Variants in AK9 observed in about 807,000 individuals in gnomAD.
The protein encoded by AK9 is adenylate kinase domain containing 1.
In AK9, 191 loss-of-function variants were observed where a neutral mutation model predicts 239.6. The observed-to-expected ratio is 0.80, with a 90% CI of 0.71 to 0.90. The LOEUF (loss-of-function observed/expected upper bound fraction) is 0.90. AK9 is among the 40% of genes least tolerant of loss of function. The pLI, the probability that AK9 is intolerant of heterozygous loss-of-function variation, is 0.00. For missense variants in AK9, 1,995 were observed against 2,214.7 expected (o/e 0.90, Z 1.99); for synonymous variants, 689 against 721.0 (o/e 0.96, Z 0.71).
chr6:109,638,744 T>G (rs183523541), intron 10 of AK9, among the ~76,000 whole-genome samples: 38 of 152,350 alleles, frequency 2.5e-4, no homozygotes, highest in African/African-American at 7.2e-4. Context: ...GGTGGTCTGA[T>G]GCACCCATCA....
chr6:109,570,582 T>A (rs1046771845), intron 21 of AK9, among the ~76,000 whole-genome samples: 21 of 152,004 alleles, frequency 1.4e-4, no homozygotes, highest in African/African-American at 3.9e-4. Flanking sequence ...AATAAAAAAA[T>A]TTTTTAATGC....
At chr6:109,513,182 A>G (rs1460169659) in intron 32 of AK9, among the ~76,000 whole-genome samples, 2 of 152,150 alleles carry the variant, frequency 1.3e-5, no homozygotes, top group Non-Finnish European at 2.9e-5. Flanking sequence ...TTATATTTAT[A>G]AAATATTTTC....
intron 29 of AK9, among the ~76,000 whole-genome samples, chr6:109,519,481 T>C (rs1779612292): frequency 6.6e-6 from 1 of 152,140 alleles, no homozygotes; most frequent in East Asian, 1.9e-4. Flanking sequence ...TAGTATCTGT[T>C]GTTTTTTGAC....
rs772303660 is a variant in AK9 at position 109,662,665 on chromosome 6, TGTAAA to T, written c.332-7_332-3del. ...ATGGTATTTCAGTGATAATATAACCTGTAAAGTAAAATATAATTTTAAAACTTTTA... is the reference window on the plus strand; with the variant it reads ...ATGGTATTTCAGTGATAATATAACCTGTAAAATATAATTTTAAAACTTTTA... On this transcript the variant is annotated splice_region_variant and splice_polypyrimidine_tract_variant and intron_variant, in intron 5 of 40. Coordinates refer to ENST00000424296, the MANE Select transcript of AK9 (RefSeq NM_001145128.3). 6.8e-7 allele frequency: 1 copy of T among 1,462,664 alleles called. No homozygotes were observed. Among genetic ancestry groups the T allele is most frequent in the Admixed American group, 2.3e-5 (1 of 43,992 alleles). The allele number at this position is 1,462,664 out of a possible 1,614,324, so 90.6% of individuals were successfully genotyped here.
rs1480893352 is a variant in AK9, at chr6:109,545,745, G to A, written c.3225+122C>T. On this transcript the variant is annotated intron_variant, in intron 26 of 40. Transcript: ENST00000424296. ...TGAGCCCAGGGAAGTTGAGGCTTTGGTGAGCTGTGATTGTGCCACTGCCTT... is the reference window on the plus strand; with the variant it reads ...TGAGCCCAGGGAAGTTGAGGCTTTGATGAGCTGTGATTGTGCCACTGCCTT... The A allele has an allele frequency of 2.1e-5, 26 of 1,246,614 alleles. No homozygotes were observed. In the East Asian group the frequency reaches 5.8e-4, roughly 28 times the overall value. The allele number at this position is 1,246,614 out of a possible 1,614,324, so 77.2% of individuals were successfully genotyped here. A position where few individuals can be genotyped will look rare whatever the true frequency, so the allele number is the denominator to read the frequency against.
intron 2 of AK9, among the ~76,000 whole-genome samples, chr6:109,675,174 T>C (rs1049185523): frequency 1.3e-5 from 2 of 152,154 alleles, no homozygotes; most frequent in Non-Finnish European, 2.9e-5. Context: ...ACAAATTGCA[T>C]AGGAAGTTTC....
At chr6:109,661,434 TA>T (rs1177784625) in intron 6 of AK9, among the ~76,000 whole-genome samples, 3 of 145,452 alleles carry the variant, frequency 2.1e-5, no homozygotes, top group Admixed American at 6.9e-5. Context: ...GATCCAAACT[TA>T]GTAAGCATTT....
intron 29 of AK9, chr6:109,528,349 T>A (rs968375267): frequency 4.7e-5 from 17 of 358,744 alleles, no homozygotes; most frequent in Non-Finnish European, 8.2e-5. Context: ...GAGGCTACGA[T>A]TTCTGTAAGT....
intron 17 of AK9, among the ~76,000 whole-genome samples, chr6:109,599,876 T>G (rs1026910572): frequency 6.6e-6 from 1 of 152,098 alleles, no homozygotes; most frequent in East Asian, 1.9e-4. Flanking sequence ...GCTCTCTGTT[T>G]GTCTGTTATT....
Position 109,545,874 on chromosome 6 carries a change from T to G in AK9, c.3218A>C (p.Lys1073Thr). The G allele has an allele frequency of 6.3e-7, 1 of 1,590,118 alleles. No individual in the cohort carries two copies. Among genetic ancestry groups the G allele is most frequent in the South Asian group, 1.2e-5 (1 of 85,746 alleles). ...AAAAAAAGAGATTACTACCTGCTTT[T>G]TTGTATTTTCTTCCTCAACTTTGAC... ...ANVKVEEENTKKQLPEVQLTE... is the reference protein window; with the variant it reads ...ANVKVEEENTTKQLPEVQLTE... Residue 1073 changes from lysine (K) to threonine (T), a missense_variant, in exon 26 of 41, where the codon AAA becomes ACA. By Grantham distance (78) the Lys-to-Thr change is moderately conservative. Around this residue, in one of 5 missense-constraint regions of AK9, gnomAD observed 1,290 missense variants for 1,392.7 expected, o/e 0.93. Transcript: ENST00000424296.
At chr6:109,643,051 T>C (rs1797651799) in intron 9 of AK9, among the ~76,000 whole-genome samples, 1 of 152,024 alleles carries the variant, frequency 6.6e-6, no homozygotes, top group South Asian at 2.1e-4. Flanking sequence ...ACACTGCAGG[T>C]TAGCGAATTA....
At chr6:109,571,668 C>T (rs561103923) in intron 21 of AK9, among the ~76,000 whole-genome samples, 3 of 152,124 alleles carry the variant, frequency 2.0e-5, no homozygotes, top group Non-Finnish European at 4.4e-5. Flanking sequence ...TGAAACACAC[C>T]GTTCAACATC....
intron 5 of AK9, among the ~76,000 whole-genome samples, chr6:109,669,880 C>A (rs1801824376): frequency 6.6e-6 from 1 of 152,140 alleles, no homozygotes; most frequent in African/African-American, 2.4e-5. Context: ...TCCACTGCAA[C>A]CTTTAAATGA....
chr6:109,674,522 T>C (rs1771419876), intron 2 of AK9, among the ~76,000 whole-genome samples: 1 of 152,212 alleles, frequency 6.6e-6, no homozygotes, highest in South Asian at 2.1e-4. Flanking sequence ...AGCTATACCA[T>C]TATGGTACTG....
rs1215823930 is a variant in AK9, at chr6:109,509,351, A to AC, written c.4308dup (p.Leu1437ValfsTer32). 1 of 1,550,388 alleles carries AC rather than the reference A, an allele frequency of 6.4e-7. No homozygotes were observed. Among genetic ancestry groups the AC allele is most frequent in the Admixed American group, 2.0e-5 (1 of 50,550 alleles). ...GCTCCTCCTATTGATAAATGCTTTA[A>AC]CCCATATTCACTTGTAATTTTTTTG... is the stretch of plus-strand genomic sequence containing the variant. On this transcript the variant is annotated frameshift_variant, in exon 33 of 41. Coordinates refer to ENST00000424296, the MANE Select transcript of AK9 (RefSeq NM_001145128.3). LOFTEE classifies it high-confidence loss of function.
At chr6:109,682,961 G>A (rs1772898828) in intron 1 of AK9, among the ~76,000 whole-genome samples, 1 of 152,098 alleles carries the variant, frequency 6.6e-6, no homozygotes, top group Non-Finnish European at 1.5e-5. Context: ...AAAATTTCAG[G>A]CCAATATCCC....
chr6:109,614,189 T>C lies in AK9; in HGVS notation c.1603A>G (p.Lys535Glu). Reference protein sequence around the residue: ...VLHDQAAKVDKDDGKETGETF... With the variant: ...VLHDQAAKVDEDDGKETGETF... ...TAGCAGTTCACTTTGTTACCATCTT[T>C]ATCAACTTTAGCAGCTTGATCATGG... The change falls in exon 15 of 41, where the codon AAA becomes GAA. Residue 535 changes from lysine to glutamate, a missense_variant. By Grantham distance (56) the Lys-to-Glu change is moderately conservative. Around this residue, in one of 5 missense-constraint regions of AK9, gnomAD observed 1,290 missense variants for 1,392.7 expected, o/e 0.93. Transcript: ENST00000424296. 6.4e-7 allele frequency: 1 copy of C among 1,550,794 alleles called. No individual in the cohort carries two copies. The highest frequency in any genetic ancestry group is 8.7e-7 in the Non-Finnish European group (1 of 1,146,250).
At chr6:109,524,870 A>G (rs1277963686) in intron 29 of AK9, among the ~76,000 whole-genome samples, 2 of 152,172 alleles carry the variant, frequency 1.3e-5, no homozygotes, top group Non-Finnish European at 2.9e-5. Flanking sequence ...ATTACATTGA[A>G]TAATATTGAC....
chr6:109,686,038 A>T (rs1773460309), intron 1 of AK9, among the ~76,000 whole-genome samples: 1 of 152,172 alleles, frequency 6.6e-6, no homozygotes, highest in Non-Finnish European at 1.5e-5. Context: ...ATGATCTGGC[A>T]ATGTGTGCAT....
Sources: allele counts gnomAD v4.1 joint callset (sites outside exome capture counted in the v4.1 genomes callset), GRCh38; gene constraint gnomAD v4.1.1; regional missense constraint gnomAD v4.1.1; transcripts MANE v1.5; gene names NCBI Gene and HGNC (gene_info 2026-07-23, HGNC 2026-07-21).